The following RALGAPA2 variants were observed in gnomAD, a reference collection of about 807,000 sequenced individuals.
The protein encoded by RALGAPA2 is ral GTPase-activating protein subunit alpha-2.
RALGAPA2 carries 139 observed loss-of-function variants against 230.4 expected under a neutral mutation model. That is an observed-to-expected ratio of 0.60 (90% CI 0.53 to 0.69). RALGAPA2 has a LOEUF of 0.69. Ranked by LOEUF, RALGAPA2 falls within the 30% of genes least tolerant of loss-of-function variation. The pLI is 0.00. For synonymous variants in RALGAPA2, 847 were observed against 837.8 expected, an observed-to-expected ratio of 1.01 and a Z score of -0.19; for missense variants, 2,163 against 2,276.0, an observed-to-expected ratio of 0.95 and a Z score of 1.01.
In RALGAPA2 at chr20:20,392,498, C is replaced by T. The variant is rs1164458438; in HGVS notation, c.*791G>A. ...GAGCCTTGGGACACTTCCTGTCCTG[C>T]AGGAACTTATGCAAGGACAGGACCC... On this transcript the variant is annotated 3_prime_UTR_variant, in exon 40 of 40. Coordinates refer to ENST00000202677, the MANE Select transcript of RALGAPA2 (RefSeq NM_020343.4). 6.5e-6 allele frequency: 1 copy of T among 152,948 alleles called. No homozygotes were observed. Among genetic ancestry groups the T allele is most frequent in the East Asian group, 1.9e-4 (1 of 5,176 alleles). The allele number at this position is 152,948 out of a possible 1,614,324, so 9.5% of individuals were successfully genotyped here. A position where few individuals can be genotyped will look rare whatever the true frequency, so the allele number is the denominator to read the frequency against.
intron 23 of RALGAPA2, among the ~76,000 whole-genome samples, chr20:20,569,931 T>C (rs1435806507): frequency 6.6e-6 from 1 of 152,192 alleles, no homozygotes; most frequent in Non-Finnish European, 1.5e-5. Flanking sequence ...TAAGTAAACC[T>C]TCCTCTTTTG....
At chr20:20,528,737 A>G (rs901950141) in intron 27 of RALGAPA2, among the ~76,000 whole-genome samples, 3 of 152,116 alleles carry the variant, frequency 2.0e-5, no homozygotes, top group Non-Finnish European at 4.4e-5. Context: ...GGGTGCACCT[A>G]GGTCACCCTT....
At chr20:20,432,367 G>A (rs572674376) in intron 37 of RALGAPA2, among the ~76,000 whole-genome samples, 24 of 152,324 alleles carry the variant, frequency 1.6e-4, no homozygotes, top group African/African-American at 5.1e-4. Flanking sequence ...TAAGGGCAGG[G>A]TGGAGAGTGA....
intron 38 of RALGAPA2, among the ~76,000 whole-genome samples, chr20:20,407,539 C>G (rs533422124): frequency 6.6e-6 from 1 of 152,206 alleles, no homozygotes. Flanking sequence ...TCCCTCTGGG[C>G]AAAGGCTGGT....
At chr20:20,457,738 G>C (rs965812503) in intron 37 of RALGAPA2, among the ~76,000 whole-genome samples, 3 of 152,230 alleles carry the variant, frequency 2.0e-5, no homozygotes, top group African/African-American at 7.2e-5. Flanking sequence ...CAGGGGGCAC[G>C]GTGTGAGTAA....
chr20:20,698,327 G>C (rs1183059688), intron 1 of RALGAPA2, among the ~76,000 whole-genome samples: 1 of 151,286 alleles, frequency 6.6e-6, no homozygotes, highest in Non-Finnish European at 1.5e-5. Flanking sequence ...CTGGAGTGCA[G>C]TGGCTCAATC....
chr20:20,496,083 T>C (rs2062196814), intron 35 of RALGAPA2, among the ~76,000 whole-genome samples: 1 of 151,498 alleles, frequency 6.6e-6, no homozygotes, highest in African/African-American at 2.5e-5. Flanking sequence ...ATTTCCACTG[T>C]TTCAAAGCTA....
intron 26 of RALGAPA2, among the ~76,000 whole-genome samples, chr20:20,535,385 T>A (rs901852855): frequency 6.6e-6 from 1 of 152,194 alleles, no homozygotes; most frequent in African/African-American, 2.4e-5. Flanking sequence ...GTGTAAAAGA[T>A]CATCACTGGT....
chr20:20,572,828 A>T (rs2064689672), intron 21 of RALGAPA2, 47 bp downstream of exon 21: 1 of 1,372,614 alleles, frequency 7.3e-7, no homozygotes, highest in East Asian at 2.6e-5. Flanking sequence ...TTAAATGATA[A>T]GACCATTTTC....
At chr20:20,419,321 T>A (rs749154636) in intron 37 of RALGAPA2, among the ~76,000 whole-genome samples, 3 of 152,186 alleles carry the variant, frequency 2.0e-5, no homozygotes, top group Non-Finnish European at 4.4e-5. Flanking sequence ...ACAGCACTAA[T>A]CAAATGAATC....
chr20:20,441,459 T>C (rs2060738467), intron 37 of RALGAPA2, among the ~76,000 whole-genome samples: 1 of 152,204 alleles, frequency 6.6e-6, no homozygotes, highest in African/African-American at 2.4e-5. Context: ...TCCCTGGGCC[T>C]CTGCAGCAGT....
intron 1 of RALGAPA2, among the ~76,000 whole-genome samples, chr20:20,692,941 C>T (rs1414841185): frequency 6.6e-6 from 1 of 152,172 alleles, no homozygotes; most frequent in African/African-American, 2.4e-5. Flanking sequence ...TTACTTACAA[C>T]CAAAAATATC....
At chr20:20,444,992 T>G (rs1203097403) in intron 37 of RALGAPA2, among the ~76,000 whole-genome samples, 1 of 152,248 alleles carries the variant, frequency 6.6e-6, no homozygotes, top group Non-Finnish European at 1.5e-5. Flanking sequence ...GTGCCTGTGT[T>G]CGAGTAACTC....
intron 3 of RALGAPA2, among the ~76,000 whole-genome samples, chr20:20,654,510 C>G (rs1386307468): frequency 6.6e-6 from 1 of 152,150 alleles, no homozygotes; most frequent in Non-Finnish European, 1.5e-5. Flanking sequence ...TCTTTCTGTG[C>G]CTGGCTTATT....
At chr20:20,699,391 T>C (rs1207650750) in intron 1 of RALGAPA2, among the ~76,000 whole-genome samples, 2 of 152,210 alleles carry the variant, frequency 1.3e-5, no homozygotes, top group African/African-American at 4.8e-5. Flanking sequence ...GCATAAGCTA[T>C]ACCACGTCAA....
At chr20:20,560,569 T>C (rs918635993) in intron 23 of RALGAPA2, among the ~76,000 whole-genome samples, 1 of 152,210 alleles carries the variant, frequency 6.6e-6, no homozygotes, top group Non-Finnish European at 1.5e-5. Context: ...AAACAAAAAT[T>C]GCAATTTAAA....
intron 36 of RALGAPA2, among the ~76,000 whole-genome samples, chr20:20,486,187 T>C (rs1209200239): frequency 3.3e-5 from 5 of 151,976 alleles, no homozygotes; most frequent in Non-Finnish European, 5.9e-5. Context: ...TATTTCTTCC[T>C]TCTCTAAAGC....
intron 3 of RALGAPA2, among the ~76,000 whole-genome samples, chr20:20,658,305 A>G (rs1486830368): frequency 6.6e-6 from 1 of 152,326 alleles, no homozygotes; most frequent in East Asian, 1.9e-4. Flanking sequence ...TTTAAAGTCT[A>G]TGAGGTCAAT....
intron 16 of RALGAPA2, among the ~76,000 whole-genome samples, chr20:20,592,126 GCCTGCAAACTAATCA>G (rs918694992): frequency 6.6e-6 from 1 of 152,068 alleles, no homozygotes; most frequent in African/African-American, 2.4e-5. Context: ...TGTTTTAATA[GCCTGCAAACTAATCA>G]CTAATCACTG....
Sources: gnomAD v4.1 joint callset for allele counts (sites outside exome capture counted in the v4.1 genomes callset) on GRCh38, gnomAD v4.1.1 for gene constraint, MANE v1.5 for transcripts, NCBI Gene and HGNC (gene_info 2026-07-23, HGNC 2026-07-21) for gene names.